METAP1: variants seen among roughly 807,000 people sequenced by gnomAD.
The protein encoded by METAP1 is methionine aminopeptidase 1.
A neutral mutation model predicts 53.8 loss-of-function variants in METAP1; 28 were observed. The observed-to-expected ratio is 0.52, with a 90% confidence interval of 0.39 to 0.71. The LOEUF (loss-of-function observed/expected upper bound fraction) is 0.71. Ranked by LOEUF, METAP1 falls within the 30% of genes least tolerant of loss-of-function variation. The probability of loss-of-function intolerance (pLI) is 0.00; values close to 1 mark genes in which losing one functional copy is unlikely to be tolerated. For missense variants in METAP1, 389 were observed against 479.8 expected (o/e 0.81, Z 1.77); for synonymous variants, 181 against 165.7 (o/e 1.09, Z -0.71).
chr4:99,049,363 T>G (rs184339035), intron 9 of METAP1, among the ~76,000 whole-genome samples: 1,639 of 152,316 alleles, frequency 0.011, 20 homozygotes, highest in African/African-American at 0.037. Flanking sequence ...AACCTTATTT[T>G]GGCAAACAGT....
chr4:99,025,963 C>G (rs1436500143), intron 1 of METAP1, among the ~76,000 whole-genome samples: 1 of 152,200 alleles, frequency 6.6e-6, no homozygotes, highest in African/African-American at 2.4e-5. Context: ...TACCTGTCAC[C>G]TGGAAGGCTC....
At position 99,031,441 on chromosome 4, in the gene METAP1, C is replaced by CT. The variant is rs1484288072; in HGVS notation, c.166+2524dup. 7.8e-6 allele frequency: 10 copies of CT among 1,280,336 alleles called. No homozygotes were observed. In the East Asian group the frequency reaches 3.3e-4, roughly 43 times the overall value. The allele number at this position is 1,280,336 out of a possible 1,614,324, so 79.3% of individuals were successfully genotyped here. The stretch of plus-strand genomic sequence containing the variant: ...AAAAGCCGCATTTAATAAAAGAACT[C>CT]TAAGTAATACTTTTCCTTCCACTCC... On this transcript the variant is annotated intron_variant, in intron 2 of 10. Coordinates refer to ENST00000296411, the MANE Select transcript of METAP1 (RefSeq NM_015143.3).
intron 1 of METAP1, chr4:99,023,776 T>C (rs1724322848): frequency 1.0e-6 from 1 of 985,312 alleles, no homozygotes; most frequent in Non-Finnish European, 1.2e-6. Flanking sequence ...CTGGTTAATT[T>C]GATAGATACT....
chr4:99,032,404 C>T (rs886615753), intron 2 of METAP1, among the ~76,000 whole-genome samples: 7 of 151,778 alleles, frequency 4.6e-5, no homozygotes, highest in African/African-American at 1.7e-4. Flanking sequence ...AGCTAAGTTT[C>T]GTATTTTTTG....
intron 4 of METAP1, among the ~76,000 whole-genome samples, chr4:99,036,895 G>C (rs1033146822): frequency 1.3e-5 from 2 of 151,904 alleles, no homozygotes; most frequent in Non-Finnish European, 2.9e-5. Context: ...TTTTGATTTT[G>C]AGAGATATTA....
In METAP1 at chr4:99,048,807, G is replaced by C; in HGVS notation, c.862G>C (p.Val288Leu). ...KHAQANGFSV[V>L]RSYCGHGIHK... ...TGCCCAAGCAAATGGGTTTTCAGTT[G>C]TTCGAAGCTATTGTGGGCATGGAAT... The change falls in exon 9 of 11, where the codon GTT (valine) becomes CTT (leucine). Residue 288 changes from valine (V) to leucine (L), a missense_variant. Val to Leu is a conservative substitution (Grantham distance 32). Coordinates refer to ENST00000296411, the MANE Select transcript of METAP1 (RefSeq NM_015143.3). 1 of 1,613,968 alleles carries C rather than the reference G, an allele frequency of 6.2e-7. No homozygotes were observed. The highest frequency in any genetic ancestry group is 8.5e-7 in the Non-Finnish European group (1 of 1,179,866).
chr4:99,011,162 C>T (rs1723447258), intron 1 of METAP1, among the ~76,000 whole-genome samples: 1 of 151,770 alleles, frequency 6.6e-6, no homozygotes, highest in African/African-American at 2.4e-5. Flanking sequence ...TTTTTCTTGC[C>T]TAATTGCTCT....
rs1479036955 is a variant in METAP1, at chr4:99,062,191, GAGA to G, written c.*877_*879del. 1 of 152,242 alleles carries G rather than the reference GAGA, an allele frequency of 6.6e-6. No individual in the cohort carries two copies. The highest frequency in any genetic ancestry group is 1.5e-5 in the Non-Finnish European group (1 of 68,052). 9.4% of individuals were successfully genotyped at this position (152,242 alleles called of 1,614,324 possible). On this transcript the variant is annotated 3_prime_UTR_variant, in exon 11 of 11. Transcript: ENST00000296411. ...CAAGGGCATACCTTGGAGGTGCTCA[GAGA>G]AGCGTGAAGTTTGCACTATGGTGGA...
At chr4:99,006,170 C>G (rs975904323) in intron 1 of METAP1, among the ~76,000 whole-genome samples, 1 of 152,148 alleles carries the variant, frequency 6.6e-6, no homozygotes, top group African/African-American at 2.4e-5. Context: ...CATCAGTACA[C>G]TTGCAAAAAT....
intron 6 of METAP1, among the ~76,000 whole-genome samples, chr4:99,042,980 T>G (rs2110375594): frequency 6.6e-6 from 1 of 152,254 alleles, no homozygotes. Context: ...GGATTTCAGA[T>G]TTTTGGATTA....
Position 99,047,103 on chromosome 4 carries a change from C to A in METAP1, c.788-1630C>A, listed in dbSNP as rs1289519051. Among the ~76,000 whole-genome samples the A allele has an allele frequency of 2.6e-5, 4 of 152,182 alleles. No individual in the cohort carries two copies. In the South Asian group the frequency reaches 8.3e-4, roughly 32 times the overall value. ...GTGCTTTGAATTCCTTTGTATATAT[C>A]ATTTTTGCCCCTCATTTTGCACCTC... On this transcript the variant is annotated intron_variant, in intron 8 of 10. Coordinates refer to ENST00000296411, the MANE Select transcript of METAP1 (RefSeq NM_015143.3).
At chr4:99,008,828 C>T (rs1257711124) in intron 1 of METAP1, among the ~76,000 whole-genome samples, 1 of 152,174 alleles carries the variant, frequency 6.6e-6, no homozygotes, top group East Asian at 1.9e-4. Context: ...TGTTGCTCTG[C>T]ATTATATACA....
chr4:99,030,283 G>A (rs1363403372), intron 2 of METAP1, among the ~76,000 whole-genome samples: 1 of 152,132 alleles, frequency 6.6e-6, no homozygotes, highest in Non-Finnish European at 1.5e-5. Context: ...ATATTTAGGG[G>A]CAGGGCTATT....
chr4:99,016,339 G>A (rs1448583160), intron 1 of METAP1, among the ~76,000 whole-genome samples: 2 of 152,132 alleles, frequency 1.3e-5, no homozygotes, highest in African/African-American at 4.8e-5. Context: ...GGAGGCATTT[G>A]GTCCATCGTA....
intron 9 of METAP1, among the ~76,000 whole-genome samples, chr4:99,051,836 C>G (rs1355262727): frequency 6.6e-6 from 1 of 151,330 alleles, no homozygotes; most frequent in Non-Finnish European, 1.5e-5. Context: ...TAGTTTGTAA[C>G]TCTATATTCC....
At chr4:99,034,771 G>A (rs186785398) in intron 3 of METAP1, among the ~76,000 whole-genome samples, 2 of 152,154 alleles carry the variant, frequency 1.3e-5, no homozygotes, top group East Asian at 3.9e-4. Context: ...CAGGAGATAT[G>A]GAGGACTGAC....
At chr4:99,050,594 G>A (rs1197382664) in intron 9 of METAP1, among the ~76,000 whole-genome samples, 2 of 152,204 alleles carry the variant, frequency 1.3e-5, no homozygotes, top group African/African-American at 2.4e-5. Flanking sequence ...TGGCCTGTTA[G>A]GAGCTGGGCT....
chr4:99,022,504 C>T (rs1406407938), intron 1 of METAP1: 5 of 631,956 alleles, frequency 7.9e-6, no homozygotes, highest in Non-Finnish European at 1.2e-5. Flanking sequence ...GGCAAATGTC[C>T]AGGAGCCATC....
chr4:99,056,971 A>G (rs1215790080), intron 9 of METAP1, among the ~76,000 whole-genome samples: 2 of 152,032 alleles, frequency 1.3e-5, no homozygotes, highest in Admixed American at 1.3e-4. Context: ...GGTTCCAGTG[A>G]TTCCCTGCTT....
Sources: gnomAD v4.1 joint callset for allele counts (sites outside exome capture counted in the v4.1 genomes callset) on GRCh38, gnomAD v4.1.1 for gene constraint, MANE v1.5 for transcripts, NCBI Gene and HGNC (gene_info 2026-07-23, HGNC 2026-07-21) for gene names.